The following CHRM3 variants were observed in gnomAD, a reference collection of about 807,000 sequenced individuals.
CHRM3 encodes the protein cholinergic receptor muscarinic 3.
In CHRM3, 11 loss-of-function variants were observed where a neutral mutation model predicts 41.8. The observed-to-expected ratio is 0.26, with a 90% CI of 0.17 to 0.44. CHRM3 has a LOEUF of 0.44. CHRM3 is among the 20% of genes least tolerant of loss of function. The probability of loss-of-function intolerance (pLI) is 1.00; values close to 1 mark genes in which losing one functional copy is unlikely to be tolerated. For synonymous variants in CHRM3, 297 were observed against 301.4 expected, an observed-to-expected ratio of 0.99 and a Z score of 0.15; for missense variants, 571 against 745.4, an observed-to-expected ratio of 0.77 and a Z score of 2.72.
At chr1:239,521,792 G>A (rs920531197) in intron 2 of CHRM3, among the ~76,000 whole-genome samples, 14 of 151,978 alleles carry the variant, frequency 9.2e-5, no homozygotes, top group African/African-American at 2.4e-4. Flanking sequence ...ATAAATAATA[G>A]CACAAATTCA....
chr1:239,591,674 A>C (rs558134906), intron 3 of CHRM3, among the ~76,000 whole-genome samples: 1 of 152,248 alleles, frequency 6.6e-6, no homozygotes, highest in Non-Finnish European at 1.5e-5. Flanking sequence ...TAGCCACTGA[A>C]GTAAATGGAT....
intron 3 of CHRM3, among the ~76,000 whole-genome samples, chr1:239,572,686 G>A (rs1661939742): frequency 6.6e-6 from 1 of 152,100 alleles, no homozygotes; most frequent in African/African-American, 2.4e-5. Flanking sequence ...TAGTTTATTT[G>A]AACATAATAA....
chr1:239,847,424 G>A (rs567648585), intron 6 of CHRM3, among the ~76,000 whole-genome samples: 5 of 151,974 alleles, frequency 3.3e-5, no homozygotes, highest in South Asian at 2.1e-4. Flanking sequence ...ATTTGATGTC[G>A]ATACATTTAA....
Position 239,678,308 on chromosome 1 carries a change from A to G in CHRM3, c.-147+20A>G, listed in dbSNP as rs2149087680. ...GAACAGGTATGTAAATCTCCAGTAC[A>G]TGATTACTGACATTTTTGAATCATA... On this transcript the variant is annotated intron_variant, in intron 5 of 6. Coordinates refer to ENST00000676153, the MANE Select transcript of CHRM3 (RefSeq NM_001375978.1). 6.6e-6 allele frequency: 1 copy of G among 152,320 alleles called. No individual in the cohort carries two copies. Among genetic ancestry groups the G allele is most frequent in the South Asian group, 2.1e-4 (1 of 4,832 alleles). The allele number at this position is 152,320 out of a possible 1,614,324, so 9.4% of individuals were successfully genotyped here.
chr1:239,390,502 T>C (rs771500090), intron 1 of CHRM3, among the ~76,000 whole-genome samples: 18 of 152,290 alleles, frequency 1.2e-4, no homozygotes, highest in Admixed American at 5.9e-4. Flanking sequence ...TCAGATCAAA[T>C]GCTAAGCAGA....
intron 2 of CHRM3, among the ~76,000 whole-genome samples, chr1:239,509,894 C>T (rs1668807999): frequency 1.3e-5 from 2 of 152,098 alleles, no homozygotes; most frequent in African/African-American, 4.8e-5. Context: ...TCGAGACCAG[C>T]CTGGCCAACA....
intron 6 of CHRM3, among the ~76,000 whole-genome samples, chr1:239,845,625 G>C (rs947255999): frequency 6.6e-6 from 1 of 152,118 alleles, no homozygotes; most frequent in African/African-American, 2.4e-5. Flanking sequence ...ATTTGTTTAT[G>C]CTTACTTGAG....
chr1:239,689,365 G>A (rs1659485682), intron 5 of CHRM3, among the ~76,000 whole-genome samples: 1 of 151,898 alleles, frequency 6.6e-6, no homozygotes, highest in Non-Finnish European at 1.5e-5. Flanking sequence ...CTTCCTTTGT[G>A]CACGCAGAAA....
intron 1 of CHRM3, among the ~76,000 whole-genome samples, chr1:239,439,993 T>C (rs1663580612): frequency 6.7e-6 from 1 of 148,824 alleles, no homozygotes; most frequent in Non-Finnish European, 1.5e-5. Context: ...AGGTTAGGAG[T>C]TCGAGACTAG....
chr1:239,494,464 A>G (rs1459420081), intron 2 of CHRM3, among the ~76,000 whole-genome samples: 2 of 152,160 alleles, frequency 1.3e-5, no homozygotes, highest in Non-Finnish European at 1.5e-5. Flanking sequence ...ACGTACATAA[A>G]AAAACACCTA....
intron 3 of CHRM3, among the ~76,000 whole-genome samples, chr1:239,590,083 G>A (rs1002250737): frequency 7.9e-5 from 12 of 152,078 alleles, no homozygotes; most frequent in South Asian, 2.1e-4. Context: ...TGGCTGTGAT[G>A]GATCCACAAG....
chr1:239,813,916 C>CAAAAAAAAAAAAAAAAAAAAAAA (rs67147618), intron 5 of CHRM3, among the ~76,000 whole-genome samples: 2 of 103,218 alleles, frequency 1.9e-5, no homozygotes, highest in African/African-American at 1.0e-4. Context: ...GACTCCGTCT[C>CAAAAAAAAAAAAAAAAAAAAAAA]AAAAAAAAAA....
chr1:239,846,690 T>C (rs1459516545), intron 6 of CHRM3, among the ~76,000 whole-genome samples: 1 of 152,140 alleles, frequency 6.6e-6, no homozygotes, highest in Non-Finnish European at 1.5e-5. Context: ...ATACCCACAA[T>C]TTTTTTAAAC....
At chr1:239,575,692 G>A (rs370957835) in intron 3 of CHRM3, among the ~76,000 whole-genome samples, 90 of 152,014 alleles carry the variant, frequency 5.9e-4, no homozygotes, top group African/African-American at 2.0e-3. Context: ...ACGGTCATGG[G>A]AAGTCATCAG....
chr1:239,495,454 C>T (rs776163339), intron 2 of CHRM3, among the ~76,000 whole-genome samples: 1 of 152,208 alleles, frequency 6.6e-6, no homozygotes, highest in Non-Finnish European at 1.5e-5. Context: ...TCAGCTACCT[C>T]TTCTTTGAGC....
chr1:239,892,943 T>C (rs910148478), intron 6 of CHRM3, among the ~76,000 whole-genome samples: 1 of 152,132 alleles, frequency 6.6e-6, no homozygotes, highest in African/African-American at 2.4e-5. Flanking sequence ...TTAATGAAAA[T>C]AAAAAGCAAG....
chr1:239,624,526 G>A (rs1392054569), intron 3 of CHRM3, among the ~76,000 whole-genome samples: 1 of 148,922 alleles, frequency 6.7e-6, no homozygotes, highest in East Asian at 2.0e-4. Context: ...TGTCAATTTT[G>A]GCTTTTGTTG....
chr1:239,534,712 T>C (rs4514231), intron 2 of CHRM3, among the ~76,000 whole-genome samples: 81,259 of 152,060 alleles, frequency 0.53, 21,883 homozygotes, highest in Middle Eastern at 0.68. Context: ...ATGAAGCTAA[T>C]GTACATTTTA....
chr1:239,527,973 T>A (rs1218668), intron 2 of CHRM3, among the ~76,000 whole-genome samples: 75,836 of 152,030 alleles, frequency 0.5, 19,478 homozygotes, highest in Middle Eastern at 0.66. Context: ...TGCATTTTAT[T>A]TTTCCATGTT....
Sources: allele counts gnomAD v4.1 joint callset (sites outside exome capture counted in the v4.1 genomes callset), GRCh38; gene constraint gnomAD v4.1.1; transcripts MANE v1.5; gene names NCBI Gene and HGNC (gene_info 2026-07-23, HGNC 2026-07-21).